AKAP9: variants seen among roughly 807,000 people sequenced by gnomAD.
AKAP9 encodes the protein A-kinase anchor protein 9.
In AKAP9, 311 loss-of-function variants were observed where a neutral mutation model predicts 488.5. The ratio of observed to expected loss-of-function variants is 0.64; its 90% CI spans 0.58 to 0.70. The LOEUF (loss-of-function observed/expected upper bound fraction) is 0.70. AKAP9 is among the 30% of genes least tolerant of loss of function. The pLI is 0.00. For synonymous variants in AKAP9, 1,462 were observed against 1,483.5 expected (o/e 0.99, Z 0.33); for missense variants, 4,215 against 4,374.5 (o/e 0.96, Z 1.03).
At chr7:91,978,139 G>A (rs969402695) in intron 2 of AKAP9, among the ~76,000 whole-genome samples, 7 of 151,788 alleles carry the variant, frequency 4.6e-5, no homozygotes, top group Admixed American at 2.0e-4. Context: ...CTACTCGGGA[G>A]GCTGAGGCAG....
At chr7:92,030,284 T>G (rs1804000937) in intron 15 of AKAP9, among the ~76,000 whole-genome samples, 1 of 152,224 alleles carries the variant, frequency 6.6e-6, no homozygotes, top group Non-Finnish European at 1.5e-5. Flanking sequence ...CAAATTAGTT[T>G]CAGTGCCCTG....
At position 92,040,662 on chromosome 7, in the gene AKAP9, TTA is replaced by T; in HGVS notation, c.4693-11_4693-10del. 1 of 1,514,514 alleles carries T rather than the reference TTA, an allele frequency of 6.6e-7. No individual in the cohort carries two copies. The highest frequency in any genetic ancestry group is 9.0e-7 in the Non-Finnish European group (1 of 1,109,644). 93.8% of individuals were successfully genotyped at this position (1,514,514 alleles called of 1,614,324 possible). A position where few individuals can be genotyped will look rare whatever the true frequency, so the allele number is the denominator to read the frequency against. The stretch of plus-strand genomic sequence containing the variant: ...GGTTGAATTGTTTTTTTTTTTTTTT[TTA>T]CTATTAAAGATTCATGATGAGATTT... On this transcript the variant is annotated splice_polypyrimidine_tract_variant and intron_variant, in intron 17 of 49. Coordinates refer to ENST00000356239, the MANE Select transcript of AKAP9 (RefSeq NM_005751.5).
Position 92,000,860 on chromosome 7 carries a change from A to C in AKAP9, c.943A>C (p.Lys315Gln). Residue 315 changes from lysine to glutamine, a missense_variant, in exon 8 of 50, where the codon AAA becomes CAA. Physicochemically the swap from Lys to Gln is moderately conservative, Grantham distance 53. Coordinates refer to ENST00000356239, the MANE Select transcript of AKAP9 (RefSeq NM_005751.5). ...TTTTTTCCTAAAGGAACAAGATAAA[A>C]AAGTAGAAAACTCAAATAAAGAAGA... ...IKVYEMEQDK[K>Q]VENSNKEEIQ... 1 of 1,405,542 alleles carries C rather than the reference A, an allele frequency of 7.1e-7. No homozygotes were observed. Among genetic ancestry groups the C allele is most frequent in the Non-Finnish European group, 9.6e-7 (1 of 1,046,736 alleles). 87.1% of individuals were successfully genotyped at this position (1,405,542 alleles called of 1,614,324 possible). A position where few individuals can be genotyped will look rare whatever the true frequency, so the allele number is the denominator to read the frequency against.
At chr7:92,088,228 T>C (rs1226191136) in intron 37 of AKAP9, among the ~76,000 whole-genome samples, 1 of 152,190 alleles carries the variant, frequency 6.6e-6, no homozygotes, top group Non-Finnish European at 1.5e-5. Context: ...ATACAGTTCC[T>C]AATGTGAAGG....
chr7:92,042,519 G>GTAGTTAAA, intron 19 of AKAP9, 149 bp from the exon 20 acceptor site: 1 of 639,530 alleles, frequency 1.6e-6, no homozygotes, highest in Non-Finnish European at 2.7e-6. Flanking sequence ...AATCTCGAGT[G>GTAGTTAAA]TAGTTAAATA....
At chr7:92,006,101 A>G (rs1051566672) in intron 8 of AKAP9, among the ~76,000 whole-genome samples, 8 of 152,098 alleles carry the variant, frequency 5.3e-5, no homozygotes, top group Non-Finnish European at 8.8e-5. Context: ...GAAGACCTGA[A>G]TTTGACCCTC....
At chr7:92,031,254 A>T (rs1233731963) in intron 15 of AKAP9, among the ~76,000 whole-genome samples, 1 of 152,176 alleles carries the variant, frequency 6.6e-6, no homozygotes, top group African/African-American at 2.4e-5. Context: ...CCCACTCTAG[A>T]ACTGTATGTT....
intron 18 of AKAP9, 144 bp downstream of exon 18, chr7:92,041,042 T>A (rs2130782421): frequency 1.5e-6 from 1 of 666,216 alleles, no homozygotes; most frequent in East Asian, 2.7e-5. Flanking sequence ...ATAAACTACA[T>A]ATATTTAGCA....
At chr7:91,966,573 G>A (rs1794468747) in intron 1 of AKAP9, among the ~76,000 whole-genome samples, 1 of 152,156 alleles carries the variant, frequency 6.6e-6, no homozygotes, top group Admixed American at 6.5e-5. Context: ...TTAGTGTGTA[G>A]TTTAACTCTG....
intron 1 of AKAP9, among the ~76,000 whole-genome samples, chr7:91,971,744 T>C (rs1795106133): frequency 6.6e-6 from 1 of 151,536 alleles, no homozygotes; most frequent in African/African-American, 2.4e-5. Flanking sequence ...AATTTTTTTG[T>C]ATTTTTAGTA....
chr7:91,957,290 A>G (rs1011123765), intron 1 of AKAP9, among the ~76,000 whole-genome samples: 2 of 152,174 alleles, frequency 1.3e-5, no homozygotes, highest in African/African-American at 4.8e-5. Flanking sequence ...TGAAAATTGT[A>G]AAGGAATATA....
At chr7:92,040,551 T>C in intron 17 of AKAP9, 123 bp from the exon 18 acceptor site, 1 of 684,762 alleles carries the variant, frequency 1.5e-6, no homozygotes, top group Non-Finnish European at 2.4e-6. Flanking sequence ...TAATAAAATA[T>C]CACATGCTTT....
At chr7:92,108,962 C>T (rs934929676) in intron 49 of AKAP9, 18 of 431,594 alleles carry the variant, frequency 4.2e-5, no homozygotes, top group Admixed American at 2.5e-4. Flanking sequence ...AACTGGAGAA[C>T]GTATTCCTAA....
chr7:92,016,498 CTG>C (rs1801526493), intron 11 of AKAP9, among the ~76,000 whole-genome samples: 1 of 152,062 alleles, frequency 6.6e-6, no homozygotes, highest in Non-Finnish European at 1.5e-5. Context: ...TGTCTGTCCT[CTG>C]TCTCTCTACT....
At chr7:92,089,854 G>A (rs28584017) in intron 38 of AKAP9, 72,234 of 183,318 alleles carry the variant, frequency 0.39, 14,681 homozygotes, top group African/African-American at 0.46. Flanking sequence ...CTCTTTAGAG[G>A]AAAATCCACA....
intron 38 of AKAP9, among the ~76,000 whole-genome samples, chr7:92,091,585 C>CAAT (rs1815598966): frequency 4.5e-5 from 1 of 22,084 alleles, no homozygotes; most frequent in African/African-American, 1.2e-4. Flanking sequence ...GACTCTGTCT[C>CAAT]AAAAAAAAAA....
At chr7:92,006,583 C>A (rs1055109907) in intron 8 of AKAP9, among the ~76,000 whole-genome samples, 6 of 152,120 alleles carry the variant, frequency 3.9e-5, no homozygotes, top group African/African-American at 1.4e-4. Context: ...CCAAGACAAA[C>A]CTTTATTGAT....
intron 1 of AKAP9, among the ~76,000 whole-genome samples, chr7:91,949,869 C>T (rs1238561981): frequency 3.9e-5 from 6 of 151,990 alleles, no homozygotes; most frequent in Non-Finnish European, 5.9e-5. Context: ...TTTCAGTTAC[C>T]ATCAGAGTTA....
In AKAP9 at chr7:92,089,485, A is replaced by G; in HGVS notation, c.9314A>G (p.Lys3105Arg). 6.8e-6 allele frequency: 11 copies of G among 1,613,592 alleles called. No individual in the cohort carries two copies. Among genetic ancestry groups the G allele is most frequent in the Non-Finnish European group, 9.3e-6 (11 of 1,179,748 alleles). The change falls in exon 38 of 50, where the codon AAA (lysine) becomes AGA (arginine). Residue 3105 changes from lysine to arginine, a missense_variant. By Grantham distance (26) the Lys-to-Arg change is conservative. Transcript: ENST00000356239. ...CTGCATGCACAAATGAATGGTAGGA[A>G]AATTACTCTGAAAAGAGAACAAGAG... Reference protein sequence around the residue: ...QALHAQMNGRKITLKREQESE... With the variant: ...QALHAQMNGRRITLKREQESE...
Sources: allele counts gnomAD v4.1 joint callset (sites outside exome capture counted in the v4.1 genomes callset), GRCh38; gene constraint gnomAD v4.1.1; transcripts MANE v1.5; gene names NCBI Gene and HGNC (gene_info 2026-07-23, HGNC 2026-07-21).